The following TTC23 variants were observed in gnomAD, a reference collection of about 807,000 sequenced individuals.
TTC23 encodes the protein tetratricopeptide repeat protein 23.
Under a neutral mutation model 55.1 loss-of-function variants are expected in TTC23, and 58 were observed. That is an observed-to-expected ratio of 1.05 (90% CI 0.85 to 1.31). The LOEUF (loss-of-function observed/expected upper bound fraction) is 1.31. Among genes scored for constraint, TTC23 ranks in the 50% most tolerant of loss-of-function variants. TTC23 has a pLI of 0.00. For missense variants in TTC23, 516 were observed against 534.4 expected (o/e 0.97, Z 0.34); for synonymous variants, 203 against 199.9 (o/e 1.02, Z -0.13).
intron 9 of TTC23, among the ~76,000 whole-genome samples, chr15:99,185,594 C>A (rs1480527531): frequency 6.6e-6 from 1 of 152,164 alleles, no homozygotes; most frequent in Non-Finnish European, 1.5e-5. Context: ...AAAAGCAACC[C>A]AAGCTAGCAC....
At chr15:99,168,869 G>T (rs1180703859) in intron 10 of TTC23, among the ~76,000 whole-genome samples, 6 of 152,296 alleles carry the variant, frequency 3.9e-5, no homozygotes, top group South Asian at 4.1e-4. Flanking sequence ...GCAGCGTGGG[G>T]TGGGGATGGG....
In TTC23 at chr15:99,139,331, C is replaced by A. The variant is rs370591132; in HGVS notation, c.1212G>T (p.Met404Ile). Reference sequence around the variant, plus strand: ...CGCCAACTCACGTGGACAGCATGCCCATGGCCTGCTGGGTGGCCAGAGTCC... The same window carrying A: ...CGCCAACTCACGTGGACAGCATGCCAATGGCCTGCTGGGTGGCCAGAGTCC... ...DKRTLATQQA[M>I]GMLSTAPKVA... The change falls in exon 13 of 14, where the codon ATG becomes ATT. Residue 404 changes from methionine to isoleucine, a missense_variant. Met to Ile is a conservative substitution (Grantham distance 10). Transcript: ENST00000394132. 4.6e-5 allele frequency: 75 copies of A among 1,613,226 alleles called. 1 individual carries two copies. Among genetic ancestry groups the A allele is most frequent in the Non-Finnish European group, 3.4e-6 (4 of 1,180,026 alleles).
intron 8 of TTC23, among the ~76,000 whole-genome samples, chr15:99,206,366 A>G (rs1332935821): frequency 6.6e-6 from 1 of 152,166 alleles, no homozygotes; most frequent in Non-Finnish European, 1.5e-5. Context: ...ATTTTCTGAA[A>G]CAGTTTATGT....
intron 4 of TTC23, among the ~76,000 whole-genome samples, chr15:99,231,780 C>A (rs1259350941): frequency 2.0e-5 from 3 of 151,826 alleles, no homozygotes; most frequent in African/African-American, 7.3e-5. Flanking sequence ...GCATTAGCCA[C>A]TGCGCCTGGC....
chr15:99,247,678 G>A (rs891785267), intron 1 of TTC23, among the ~76,000 whole-genome samples: 5 of 152,096 alleles, frequency 3.3e-5, no homozygotes, highest in East Asian at 1.9e-4. Flanking sequence ...GTTTTTTAGT[G>A]ATTGGGGCTG....
At position 99,139,403 on chromosome 15, in the gene TTC23, T is replaced by C; in HGVS notation, c.1144-4A>G. ...AGAGGGTCTGGATCTGGAGACACTG[T>C]AGAACACCAAGCAGCTATCATGAGG... On this transcript the variant is annotated splice_polypyrimidine_tract_variant and splice_region_variant and intron_variant, in intron 12 of 13. Coordinates refer to ENST00000394132, the MANE Select transcript of TTC23 (RefSeq NM_001288615.3). The C allele has an allele frequency of 6.2e-7, 1 of 1,614,146 alleles. No individual in the cohort carries two copies. The highest frequency in any genetic ancestry group is 1.7e-5 in the Admixed American group (1 of 60,012).
chr15:99,211,289 C>T (rs1460777521), intron 8 of TTC23, among the ~76,000 whole-genome samples: 2 of 152,104 alleles, frequency 1.3e-5, no homozygotes, highest in African/African-American at 4.8e-5. Flanking sequence ...GCAGGAGAAT[C>T]GCTTGAACCT....
Position 99,234,972 on chromosome 15 carries a change from G to C in TTC23, c.-21+16C>G, listed in dbSNP as rs1161013523. On this transcript the variant is annotated intron_variant, in intron 4 of 13. Coordinates refer to ENST00000394132, the MANE Select transcript of TTC23 (RefSeq NM_001288615.3). ...AAAAAAACTGGTAAAATAAGGCCAAGCATGGTGGCTCATACCTGTAATCCC... is the reference window on the plus strand; with the variant it reads ...AAAAAAACTGGTAAAATAAGGCCAACCATGGTGGCTCATACCTGTAATCCC... The C allele has an allele frequency of 2.0e-5, 3 of 151,822 alleles. No individual in the cohort carries two copies. In the East Asian group the frequency reaches 5.8e-4, roughly 29 times the overall value. 9.4% of individuals were successfully genotyped at this position (151,822 alleles called of 1,614,324 possible).
intron 10 of TTC23, among the ~76,000 whole-genome samples, chr15:99,171,990 C>T (rs917105458): frequency 2.0e-5 from 3 of 151,800 alleles, no homozygotes; most frequent in Non-Finnish European, 2.9e-5. Context: ...GAGAAGTTGT[C>T]TTCTTACCCA....
intron 3 of TTC23, 107 bp downstream of exon 3, chr15:99,241,258 T>G (rs1364360342): frequency 6.6e-6 from 1 of 152,570 alleles, no homozygotes; most frequent in Non-Finnish European, 1.5e-5. Context: ...GAGGTTGCAG[T>G]GAGCCGAGAT....
At chr15:99,247,534 T>C (rs1299020322) in intron 1 of TTC23, among the ~76,000 whole-genome samples, 4 of 152,172 alleles carry the variant, frequency 2.6e-5, no homozygotes, top group South Asian at 2.1e-4. Flanking sequence ...TAAAAAGGAA[T>C]GAAGTAATGA....
chr15:99,210,484 G>T (rs893808383), intron 8 of TTC23, among the ~76,000 whole-genome samples: 9 of 152,198 alleles, frequency 5.9e-5, no homozygotes, highest in Non-Finnish European at 1.2e-4. Flanking sequence ...TAAGCAAAAA[G>T]TATTCTAGGC....
chr15:99,234,389 G>A (rs2079147803), intron 4 of TTC23, among the ~76,000 whole-genome samples: 1 of 151,728 alleles, frequency 6.6e-6, no homozygotes, highest in African/African-American at 2.4e-5. Flanking sequence ...TTTATTTTTT[G>A]AGACGGAGTC....
intron 10 of TTC23, among the ~76,000 whole-genome samples, chr15:99,174,096 C>T (rs1179590414): frequency 6.6e-6 from 1 of 152,190 alleles, no homozygotes; most frequent in Admixed American, 6.5e-5. Flanking sequence ...TCCTCCAGAT[C>T]TAAAAAGGTG....
intron 12 of TTC23, chr15:99,140,243 G>A (rs1555489670): frequency 1.3e-5 from 2 of 152,632 alleles, no homozygotes; most frequent in Non-Finnish European, 2.9e-5. Context: ...TGGGACCGCT[G>A]GTTTTCCAAA....
intron 13 of TTC23, among the ~76,000 whole-genome samples, chr15:99,138,759 G>C (rs2067852815): frequency 6.6e-6 from 1 of 152,240 alleles, no homozygotes; most frequent in Non-Finnish European, 1.5e-5. Context: ...GCCCTCAAAG[G>C]GGATGGCGCC....
intron 8 of TTC23, among the ~76,000 whole-genome samples, chr15:99,208,635 G>C (rs1350027176): frequency 6.6e-6 from 1 of 152,088 alleles, no homozygotes; most frequent in Non-Finnish European, 1.5e-5. Flanking sequence ...AGGCTATCAA[G>C]CTAATGCAAC....
chr15:99,195,670 T>G (rs1412445226), intron 9 of TTC23, among the ~76,000 whole-genome samples: 1 of 152,140 alleles, frequency 6.6e-6, no homozygotes, highest in Non-Finnish European at 1.5e-5. Context: ...GTTATAAGTT[T>G]GTGCAAACCC....
At chr15:99,221,297 T>G (rs2077902897) in intron 6 of TTC23, among the ~76,000 whole-genome samples, 1 of 152,204 alleles carries the variant, frequency 6.6e-6, no homozygotes, top group African/African-American at 2.4e-5. Flanking sequence ...TCCCTTGAAT[T>G]TTTAAGTTGT....
Sources: allele counts gnomAD v4.1 joint callset (sites outside exome capture counted in the v4.1 genomes callset), GRCh38; gene constraint gnomAD v4.1.1; transcripts MANE v1.5; gene names NCBI Gene and HGNC (gene_info 2026-07-23, HGNC 2026-07-21).